Variants in MAP4K5 observed in about 807,000 individuals in gnomAD.
The protein encoded by MAP4K5 is mitogen-activated protein kinase kinase kinase kinase 5.
In MAP4K5, 82 loss-of-function variants were observed where a neutral mutation model predicts 135.6. The ratio of observed to expected loss-of-function variants is 0.60; its 90% CI spans 0.51 to 0.73. MAP4K5 has a LOEUF of 0.73. Ranked by LOEUF, MAP4K5 falls within the 30% of genes least tolerant of loss-of-function variation. The probability of loss-of-function intolerance (pLI) is 0.00; values close to 1 mark genes in which losing one functional copy is unlikely to be tolerated. For synonymous variants in MAP4K5, 347 were observed against 335.0 expected (o/e 1.04, Z -0.39); for missense variants, 907 against 1,010.9 (o/e 0.90, Z 1.39).
rs1204064638 is a variant in MAP4K5 at position 50,492,416 on chromosome 14, ACT to A, written c.167-6224_167-6223del. 3.3e-5 allele frequency among the ~76,000 whole-genome samples: 5 copies of A among 151,568 alleles called. No individual in the cohort carries two copies. The East Asian group carries it at 9.7e-4, about 29-fold the overall frequency. ...AGACCAGCCTGGGCAACATAGCAAGACTCTGTCTCCACAAAAAAAACACAAAA... is the reference window on the plus strand; with the variant it reads ...AGACCAGCCTGGGCAACATAGCAAGACTGTCTCCACAAAAAAAACACAAAA... On this transcript the variant is annotated intron_variant, in intron 3 of 32. Coordinates refer to ENST00000682126, the MANE Select transcript of MAP4K5 (RefSeq NM_006575.6).
At chr14:50,554,379 G>A (rs1052322677) in intron 1 of MAP4K5, among the ~76,000 whole-genome samples, 3 of 152,162 alleles carry the variant, frequency 2.0e-5, no homozygotes, top group Non-Finnish European at 4.4e-5. Flanking sequence ...GATGTGGCTT[G>A]TACGCACAAG....
intron 11 of MAP4K5, among the ~76,000 whole-genome samples, chr14:50,465,090 C>T (rs1369285483): frequency 6.6e-6 from 1 of 152,180 alleles, no homozygotes; most frequent in Non-Finnish European, 1.5e-5. Context: ...ATATAAACTC[C>T]TTTCTTTCCA....
Position 50,437,984 on chromosome 14 carries a change from T to C in MAP4K5, c.1733A>G (p.His578Arg). Residue 578 changes from histidine (H) to arginine (R), a missense_variant, in exon 25 of 33, where the codon CAC becomes CGC. Transcript: ENST00000682126. ...SEGKTFQLYS[H>R]NLIALFEHAK... ...ATGTTCAAACAAAGCTATAAGATTG[T>C]GAGAGTAGAGCTGAAAGGTTTTTCC... 6.2e-7 allele frequency: 1 copy of C among 1,608,428 alleles called. No individual in the cohort carries two copies. The highest frequency in any genetic ancestry group is 8.5e-7 in the Non-Finnish European group (1 of 1,175,182).
At chr14:50,551,569 C>G (rs535419983) in intron 1 of MAP4K5, among the ~76,000 whole-genome samples, 186 of 151,850 alleles carry the variant, frequency 1.2e-3, no homozygotes, top group Non-Finnish European at 1.8e-3. Context: ...AAGGCCATAA[C>G]AAAAAAAGAA....
chr14:50,476,063 A>G lies in MAP4K5; in HGVS notation c.469+65T>C, dbSNP rs1321881205. ...AATGTTAATTCTCATTTAAAATTTT[A>G]TAAAAATTTTATTAAAATGTCATTA... On this transcript the variant is annotated intron_variant, in intron 8 of 32. Transcript: ENST00000682126. The G allele has an allele frequency of 7.0e-6, 6 of 857,890 alleles. No homozygotes were observed. The East Asian group carries it at 1.7e-4, about 25-fold the overall frequency. 53.1% of individuals were successfully genotyped at this position (857,890 alleles called of 1,614,324 possible).
chr14:50,472,285 A>C (rs542459262), intron 9 of MAP4K5: 59 of 152,570 alleles, frequency 3.9e-4, no homozygotes, highest in African/African-American at 1.3e-3. Flanking sequence ...CAGATATTCC[A>C]GTTCTGTAGG....
chr14:50,553,920 G>T (rs889161981), intron 1 of MAP4K5, among the ~76,000 whole-genome samples: 3 of 152,158 alleles, frequency 2.0e-5, no homozygotes, highest in African/African-American at 7.2e-5. Context: ...AAAGGCATAA[G>T]AATGATATAA....
chr14:50,536,018 G>A (rs2038486992), upstream of MAP4K5, among the ~76,000 whole-genome samples: 1 of 152,246 alleles, frequency 6.6e-6, no homozygotes, highest in Non-Finnish European at 1.5e-5. Flanking sequence ...GACATGACTT[G>A]CTCTTCCTTG....
chr14:50,479,118 C>G (rs1216957772), intron 6 of MAP4K5, among the ~76,000 whole-genome samples: 1 of 149,350 alleles, frequency 6.7e-6, no homozygotes, highest in African/African-American at 2.5e-5. Context: ...TCAGCCATCT[C>G]CCCTTTTCAG....
chr14:50,513,677 T>A (rs941516987), intron 2 of MAP4K5, among the ~76,000 whole-genome samples: 1 of 152,078 alleles, frequency 6.6e-6, no homozygotes, highest in Non-Finnish European at 1.5e-5. Context: ...AAAGCTCCTG[T>A]ATTTCTCTGT....
At chr14:50,458,800 AT>A in intron 13 of MAP4K5, among the ~76,000 whole-genome samples, 1 of 151,888 alleles carries the variant, frequency 6.6e-6, no homozygotes, top group Non-Finnish European at 1.5e-5. Context: ...TATTTTTATT[AT>A]TTTATTTACT....
At chr14:50,503,298 T>C (rs1176401279) in intron 3 of MAP4K5, among the ~76,000 whole-genome samples, 3 of 152,068 alleles carry the variant, frequency 2.0e-5, no homozygotes, top group Admixed American at 6.6e-5. Context: ...ACATCATCAA[T>C]ATTTACTGAA....
chr14:50,538,062 C>T (rs1330643662), intron 2 of MAP4K5, among the ~76,000 whole-genome samples: 1 of 152,158 alleles, frequency 6.6e-6, no homozygotes, highest in Non-Finnish European at 1.5e-5. Context: ...TGCCCACCCA[C>T]ATCTCATCTT....
chr14:50,450,178 C>T (rs2036450687), intron 14 of MAP4K5: 1 of 151,928 alleles, frequency 6.6e-6, no homozygotes, highest in Non-Finnish European at 1.5e-5. Flanking sequence ...AGTTCCTGAC[C>T]CCAGGTGATC....
At chr14:50,442,223 C>G (rs1428674965) in intron 21 of MAP4K5, among the ~76,000 whole-genome samples, 1 of 152,056 alleles carries the variant, frequency 6.6e-6, no homozygotes, top group Non-Finnish European at 1.5e-5. Flanking sequence ...ACCTGTAACA[C>G]AAATTCCACA....
chr14:50,430,178 G>A (rs532866731), intron 28 of MAP4K5, among the ~76,000 whole-genome samples: 5 of 152,036 alleles, frequency 3.3e-5, no homozygotes, highest in Non-Finnish European at 7.4e-5. Flanking sequence ...ATACAGAAGA[G>A]TCCTTAACCT....
chr14:50,509,817 GT>G (rs970173804), intron 2 of MAP4K5, among the ~76,000 whole-genome samples: 1 of 151,970 alleles, frequency 6.6e-6, no homozygotes, highest in African/African-American at 2.4e-5. Flanking sequence ...CATTTAAATT[GT>G]TTTTTCATTT....
chr14:50,430,122 T>TCA lies in MAP4K5; in HGVS notation c.2165-864_2165-863dup, dbSNP rs200135582. Among the ~76,000 whole-genome samples, 632 of 151,814 alleles carry TCA rather than the reference T, an allele frequency of 4.2e-3. 3 individuals carry two copies. Among genetic ancestry groups the TCA allele is most frequent in the African/African-American group, 0.013 (540 of 41,352 alleles). ...AGACATTTCATACTTCTGAACATAT[T>TCA]CACACACACACATATATATATATGA... On this transcript the variant is annotated intron_variant, in intron 28 of 32. Coordinates refer to ENST00000682126, the MANE Select transcript of MAP4K5 (RefSeq NM_006575.6).
rs1424998125 is a variant in MAP4K5, at chr14:50,525,830, T to C, written c.108+6112A>G. Among the ~76,000 whole-genome samples the C allele has an allele frequency of 3.3e-5, 5 of 152,074 alleles. 1 individual carries two copies. The highest frequency in any genetic ancestry group is 7.4e-5 in the Non-Finnish European group (5 of 67,988). ...CTACACTGCAGCCTAAGTGAAAAAG[T>C]AAGACCCTGTCTCAAAAAAATAAAA... On this transcript the variant is annotated intron_variant, in intron 2 of 32. Coordinates refer to ENST00000682126, the MANE Select transcript of MAP4K5 (RefSeq NM_006575.6).
Sources: gnomAD v4.1 joint callset for allele counts (sites outside exome capture counted in the v4.1 genomes callset) on GRCh38, gnomAD v4.1.1 for gene constraint, MANE v1.5 for transcripts, NCBI Gene and HGNC (gene_info 2026-07-23, HGNC 2026-07-21) for gene names.